The following KLC1 variants were observed in gnomAD, a reference collection of about 807,000 sequenced individuals.
KLC1 encodes the protein kinesin light chain 1.
A neutral mutation model predicts 84.2 loss-of-function variants in KLC1; 30 were observed. That is an observed-to-expected ratio of 0.36 (90% CI 0.27 to 0.48). The LOEUF (loss-of-function observed/expected upper bound fraction) is 0.48, where lower values mean the gene tolerates loss of function less well. KLC1 is among the 20% of genes least tolerant of loss of function. The pLI is 0.99. For missense variants in KLC1, 499 were observed against 805.4 expected (o/e 0.62, Z 4.60); for synonymous variants, 289 against 293.3 (o/e 0.99, Z 0.15).
At position 103,677,472 on chromosome 14, in the gene KLC1, A is replaced by C; in HGVS notation, c.1437A>C (p.Lys479Asn). ...NLGALYRRQG[K>N]FEAAETLEEA... ...GGGCACTTTACAGACGTCAAGGCAAATTTGAAGCTGCAGAAACGTTAGAAG... is the reference window on the plus strand; with the variant it reads ...GGGCACTTTACAGACGTCAAGGCAACTTTGAAGCTGCAGAAACGTTAGAAG... The change falls in exon 12 of 17, where the codon AAA (lysine) becomes AAC (asparagine). Residue 479 changes from lysine to asparagine, a missense_variant. This residue lies in a region of KLC1 where 153 missense variants were observed against 332.4 expected (regional missense o/e 0.46). Coordinates refer to ENST00000334553, the MANE Select transcript of KLC1 (RefSeq NM_001394837.1). 6.2e-7 allele frequency: 1 copy of C among 1,614,132 alleles called. No individual in the cohort carries two copies. The highest frequency in any genetic ancestry group is 8.5e-7 in the Non-Finnish European group (1 of 1,179,994).
At position 103,700,077 on chromosome 14, in the gene KLC1, CTGA is replaced by C; in HGVS notation, c.1849-575_1849-573del. On this transcript the variant is annotated intron_variant, in intron 15 of 16. Transcript: ENST00000334553. ...TTCAGACGCTCAGCAAGGCAGGGGC[CTGA>C]TGCCCTTCAGGCGTTACTCAGGCGA... The C allele has an allele frequency of 1.8e-5, 4 of 227,400 alleles. No homozygotes were observed. The South Asian group carries it at 2.6e-4, about 15-fold the overall frequency. 14.1% of individuals were successfully genotyped at this position (227,400 alleles called of 1,614,324 possible).
intron 1 of KLC1, among the ~76,000 whole-genome samples, chr14:103,639,588 G>A (rs911539217): frequency 7.3e-5 from 11 of 151,610 alleles, no homozygotes; most frequent in African/African-American, 2.4e-4. Flanking sequence ...GACCACAGGC[G>A]TGTGCCACCA....
chr14:103,657,404 A>G, intron 2 of KLC1, 142 bp from the exon 3 acceptor site: 1 of 619,074 alleles, frequency 1.6e-6, no homozygotes, highest in East Asian at 2.8e-5. Context: ...AGAGAAGTAA[A>G]TGGCAGATTG....
intron 7 of KLC1, among the ~76,000 whole-genome samples, chr14:103,672,011 A>C (rs572296079): frequency 4.6e-5 from 7 of 152,300 alleles, no homozygotes; most frequent in Non-Finnish European, 7.3e-5. Flanking sequence ...CAGATCAGAC[A>C]TGTAGTTCCT....
At chr14:103,685,920 C>T (rs966505115) in intron 13 of KLC1, 21 of 1,117,346 alleles carry the variant, frequency 1.9e-5, no homozygotes, top group African/African-American at 4.9e-5. Context: ...AAATTAAGAG[C>T]GATTAGCTGT....
At chr14:103,655,618 T>G (rs1313782740) in intron 2 of KLC1, among the ~76,000 whole-genome samples, 2 of 145,704 alleles carry the variant, frequency 1.4e-5, no homozygotes, top group African/African-American at 5.1e-5. Flanking sequence ...TTTTTATTTT[T>G]ATTTTTTTGA....
intron 1 of KLC1, among the ~76,000 whole-genome samples, chr14:103,653,295 A>G (rs182249497): frequency 2.1e-4 from 32 of 152,282 alleles, no homozygotes; most frequent in Admixed American, 1.7e-3. Flanking sequence ...ATACCTGCAC[A>G]TACCACCCAG....
intron 14 of KLC1, among the ~76,000 whole-genome samples, chr14:103,690,315 C>T (rs2082022560): frequency 6.6e-6 from 1 of 152,224 alleles, no homozygotes; most frequent in South Asian, 2.1e-4. Context: ...CTGTTTGGGA[C>T]TCCAGCAATG....
chr14:103,677,433 T>G lies in KLC1; in HGVS notation c.1398T>G (p.Thr466=). ...CTTACAGTCCAACTGTTACAACCACTCTAAAAAACCTTGGGGCACTTTACA... is the reference window on the plus strand; with the variant it reads ...CTTACAGTCCAACTGTTACAACCACGCTAAAAAACCTTGGGGCACTTTACA... The part of the protein sequence containing the change: ...CKVDSPTVTT[T]LKNLGALYRR... Residue 466 remains threonine (T), a synonymous_variant, in exon 12 of 17, where the codon ACT becomes ACG. Coordinates refer to ENST00000334553, the MANE Select transcript of KLC1 (RefSeq NM_001394837.1). 1.2e-6 allele frequency: 2 copies of G among 1,612,568 alleles called. No homozygotes were observed. The highest frequency in any genetic ancestry group is 2.2e-5 in the South Asian group (2 of 91,054).
rs1450617758 is a variant in KLC1, at chr14:103,629,261, G to C, written c.-235G>C. The C allele has an allele frequency of 1.3e-5, 2 of 153,036 alleles. No individual in the cohort carries two copies. The highest frequency in any genetic ancestry group is 6.5e-5 in the Admixed American group (1 of 15,272). 9.5% of individuals were successfully genotyped at this position (153,036 alleles called of 1,614,324 possible). A position where few individuals can be genotyped will look rare whatever the true frequency, so the allele number is the denominator to read the frequency against. ...GCGGCCGAGCGGGACTGGCTGGGTCGGCTGGGCTGCTGGTGCGAGGAGCCG... is the reference window on the plus strand; with the variant it reads ...GCGGCCGAGCGGGACTGGCTGGGTCCGCTGGGCTGCTGGTGCGAGGAGCCG... On this transcript the variant is annotated 5_prime_UTR_variant, in exon 1 of 17. Transcript: ENST00000334553.
intron 13 of KLC1, chr14:103,686,112 C>G (rs1016452733): frequency 1.0e-6 from 1 of 992,388 alleles, no homozygotes; most frequent in Non-Finnish European, 1.2e-6. Context: ...GTAGCATTTG[C>G]TGTGTAGTCT....
At chr14:103,698,617 C>T in intron 15 of KLC1, 2 of 648,592 alleles carry the variant, frequency 3.1e-6, no homozygotes, top group African/African-American at 1.8e-5. Flanking sequence ...ATCCCCCCAG[C>T]TCAGATGGGG....
rs2082318854 is a variant in KLC1 at position 103,694,665 on chromosome 14, G to A, written c.1848+2240G>A. The A allele has an allele frequency of 1.7e-5, 17 of 985,358 alleles. No individual in the cohort carries two copies. The South Asian group carries it at 6.6e-4, about 38-fold the overall frequency. The allele number at this position is 985,358 out of a possible 1,614,324, so 61.0% of individuals were successfully genotyped here. A position where few individuals can be genotyped will look rare whatever the true frequency, so the allele number is the denominator to read the frequency against. ...TCCATGCCAGCCAACTAGGCTACGG[G>A]ATGGAGGGGCGGTCTGTGAAACACC... On this transcript the variant is annotated intron_variant, in intron 15 of 16. Transcript: ENST00000334553. This position sits in a 1 kb window ranked among gnomAD's most constrained non-coding sequence, Gnocchi z 4.5.
intron 1 of KLC1, among the ~76,000 whole-genome samples, chr14:103,634,789 C>G (rs1412553522): frequency 6.6e-6 from 1 of 151,788 alleles, no homozygotes. Flanking sequence ...CTGTGTTTCC[C>G]AGGCTGGTCT....
intron 15 of KLC1, chr14:103,695,865 G>A (rs1375101532): frequency 1.6e-5 from 16 of 985,332 alleles, no homozygotes; most frequent in Non-Finnish European, 1.8e-5. Flanking sequence ...AGAGGGAGGC[G>A]GCAAGGGAAT....
chr14:103,629,669 G>T (rs547626906), intron 1 of KLC1, among the ~76,000 whole-genome samples, 175 bp downstream of exon 1: 17 of 136,502 alleles, frequency 1.2e-4, no homozygotes, highest in Non-Finnish European at 2.7e-4. Flanking sequence ...CCAGTTCACC[G>T]CCCCGGCCGG....
At chr14:103,692,227 G>A (rs2082163845) in intron 14 of KLC1, 132 bp from the exon 15 acceptor site, 1 of 728,814 alleles carries the variant, frequency 1.4e-6, no homozygotes, top group African/African-American at 1.8e-5. Context: ...GGTTACCCAA[G>A]CAAGATGAAG....
rs766954968 is a variant in KLC1 at position 103,675,670 on chromosome 14, A to G, written c.1312-19A>G. 3.1e-6 allele frequency: 5 copies of G among 1,610,836 alleles called. No individual in the cohort carries two copies. The highest frequency in any genetic ancestry group is 3.4e-6 in the Non-Finnish European group (4 of 1,177,286). ...CATTCAAGATAATTATTCATTTGAA[A>G]TTATTTCTTATAATTTAGGGAAAGC... On this transcript the variant is annotated intron_variant, in intron 10 of 16. Transcript: ENST00000334553.
At chr14:103,695,158 TTA>T (rs145644634) in intron 15 of KLC1, 1,828 of 855,658 alleles carry the variant, frequency 2.1e-3, no homozygotes, top group Non-Finnish European at 2.4e-3. Context: ...AAATGTTAAA[TTA>T]TATATATATA....
Sources: gnomAD v4.1 joint callset for allele counts (sites outside exome capture counted in the v4.1 genomes callset) on GRCh38, gnomAD v4.1.1 for gene constraint, gnomAD v4.1.1 regional missense constraint, Gnocchi (gnomAD v3.1) non-coding constraint, MANE v1.5 for transcripts, NCBI Gene and HGNC (gene_info 2026-07-23, HGNC 2026-07-21) for gene names.